TRMT44: variants seen among roughly 807,000 people sequenced by gnomAD.
TRMT44 encodes the protein tRNA methyltransferase 44 homolog.
In TRMT44, 78 loss-of-function variants were observed where a neutral mutation model predicts 77.3. The observed-to-expected ratio is 1.01, with a 90% CI of 0.84 to 1.22. The LOEUF is 1.22. Among genes scored for constraint, TRMT44 ranks in the 50% most tolerant of loss-of-function variants. TRMT44 has a pLI of 0.00. For missense variants in TRMT44, 1,090 were observed against 964.4 expected (o/e 1.13, Z -1.73); for synonymous variants, 391 against 383.3 (o/e 1.02, Z -0.23).
the TRMT44 span, among the ~76,000 whole-genome samples, chr4:8,500,066 G>GA: frequency 1.3e-5 from 2 of 151,534 alleles, no homozygotes; most frequent in African/African-American, 4.9e-5. Context: ...CTGTTTCTAT[G>GA]AAAAAAATTA....
rs1242579405 is a variant in TRMT44 at position 8,444,401 on chromosome 4, CTTTT to C, written c.620-2063_620-2060del. ...TATAATGAATAATAACTTAATTGTA[CTTTT>C]TTTTTTTTTTTGAGAGTAGTCTCGC... On this transcript the variant is annotated intron_variant, in intron 1 of 10. Transcript: ENST00000389737. This position sits in a 1 kb window ranked among gnomAD's most constrained non-coding sequence, Gnocchi z 4.0. 7.1e-6 allele frequency among the ~76,000 whole-genome samples: 1 copy of C among 141,518 alleles called. No homozygotes were observed. The allele number at this position is 141,518 out of a possible 152,430, so 92.8% of individuals were successfully genotyped here. A position where few individuals can be genotyped will look rare whatever the true frequency, so the allele number is the denominator to read the frequency against.
At chr4:8,485,019 G>T (rs147642474) in intron 2 of TRMT44, among the ~76,000 whole-genome samples, 1 of 152,156 alleles carries the variant, frequency 6.6e-6, no homozygotes, top group African/African-American at 2.4e-5. Context: ...TTGTTGAGAA[G>T]ATTCAAAGGA....
chr4:8,446,557 A>T lies in TRMT44; in HGVS notation c.701A>T (p.Tyr234Phe). 1 of 1,536,240 alleles carries T rather than the reference A, an allele frequency of 6.5e-7. No individual in the cohort carries two copies. The highest frequency in any genetic ancestry group is 1.2e-5 in the South Asian group (1 of 84,060). The change falls in exon 2 of 11, where the codon TAT becomes TTT. Residue 234 changes from tyrosine to phenylalanine, a missense_variant. Coordinates refer to ENST00000389737, the MANE Select transcript of TRMT44 (RefSeq NM_152544.3). This position sits in a 1 kb window ranked among gnomAD's most constrained non-coding sequence, Gnocchi z 4.3. ...GNLKVKMSNVYQIQLSHSKEE... is the reference protein window; with the variant it reads ...GNLKVKMSNVFQIQLSHSKEE... ...CTAAAGGTTAAGATGAGCAATGTGT[A>T]TCAAATTCAGCTCAGTCATAGCAAA... is the stretch of plus-strand genomic sequence containing the variant.
chr4:8,491,330 GAGCCCAGGTGGCTT>G (rs1727996093), intron 2 of TRMT44, among the ~76,000 whole-genome samples: 1 of 152,248 alleles, frequency 6.6e-6, no homozygotes, highest in African/African-American at 2.4e-5. Context: ...CCAGACTCAG[GAGCCCAGGTGGCTT>G]CACCTAGTGG....
chr4:8,449,959 T>C (rs202074531), intron 3 of TRMT44, 71 bp downstream of exon 3: 7,453 of 352,936 alleles, frequency 0.021, 125 homozygotes, highest in Middle Eastern at 0.053. Flanking sequence ...CTTTTTTTTT[T>C]TTTTTTTTTT....
At chr4:8,441,520 A>G in intron 1 of TRMT44, 79 bp downstream of exon 1, 1 of 1,416,110 alleles carries the variant, frequency 7.1e-7, no homozygotes, top group Non-Finnish European at 9.2e-7. Flanking sequence ...AAAAAGTCCT[A>G]AGGGTACTAG....
rs145982044 is a variant in TRMT44, at chr4:8,475,805, G to A, written c.2078G>A (p.Arg693Gln). The A allele has an allele frequency of 5.3e-5, 85 of 1,614,166 alleles. No individual in the cohort carries two copies. In the African/African-American group the frequency reaches 1.0e-3, roughly 20 times the overall value. The change falls in exon 11 of 11, where the codon CGA becomes CAA. Residue 693 changes from arginine to glutamine, a missense_variant. Arg to Gln is a conservative substitution (Grantham distance 43). Transcript: ENST00000389737. ...GGGAGAGTTCACATCCGCGACTGGC[G>A]AGAGGAGACACTGTGGAAGACAAAG... ...VNGRVHIRDW[R>Q]EETLWKTKQP... is the part of the protein sequence containing the mutation.
At chr4:8,514,681 G>A in the TRMT44 span, among the ~76,000 whole-genome samples, 29 of 152,252 alleles carry the variant, frequency 1.9e-4, no homozygotes, top group South Asian at 5.8e-3. Flanking sequence ...CTCAGAGTGA[G>A]GTCATGTTCT....
At chr4:8,460,442 C>T (rs921592957) in intron 6 of TRMT44, among the ~76,000 whole-genome samples, 1 of 152,230 alleles carries the variant, frequency 6.6e-6, no homozygotes, top group African/African-American at 2.4e-5. Flanking sequence ...TATCACTTAC[C>T]CTCAAGCAGC....
At chr4:8,469,406 C>T (rs1726830898) in intron 9 of TRMT44, among the ~76,000 whole-genome samples, 1 of 152,230 alleles carries the variant, frequency 6.6e-6, no homozygotes, top group Non-Finnish European at 1.5e-5. Context: ...GCTGGCAGAG[C>T]ATGGAGCCCA....
At chr4:8,455,801 C>A (rs1238534817) in intron 6 of TRMT44, among the ~76,000 whole-genome samples, 1 of 152,088 alleles carries the variant, frequency 6.6e-6, no homozygotes, top group African/African-American at 2.4e-5. Context: ...GGCCCTTGAA[C>A]AACACGGGAT....
intron 6 of TRMT44, among the ~76,000 whole-genome samples, chr4:8,456,871 A>C (rs1217739462): frequency 6.6e-6 from 1 of 152,182 alleles, no homozygotes; most frequent in African/African-American, 2.4e-5. Context: ...GCAGCAGATG[A>C]GTTCCCAGAT....
chr4:8,502,466 A>C, the TRMT44 span, among the ~76,000 whole-genome samples: 1 of 152,266 alleles, frequency 6.6e-6, no homozygotes, highest in African/African-American at 2.4e-5. Flanking sequence ...GTGTGAGTGC[A>C]GCTTAGCAAG....
Position 8,451,646 on chromosome 4 carries a change from T to G in TRMT44, c.955-314T>G, listed in dbSNP as rs1725459166. Among the ~76,000 whole-genome samples the G allele has an allele frequency of 6.6e-6, 1 of 152,202 alleles. No individual in the cohort carries two copies. The highest frequency in any genetic ancestry group is 2.4e-5 in the African/African-American group (1 of 41,444). On this transcript the variant is annotated intron_variant, in intron 3 of 10. Coordinates refer to ENST00000389737, the MANE Select transcript of TRMT44 (RefSeq NM_152544.3). The surrounding 1 kb of genome is among the most constrained non-coding windows in gnomAD (Gnocchi z 4.1). ...CGCCTAGTTTCCTTGTTTGTTGCCC[T>G]TATCTGCATAGACAATGAGCACAGT...
At chr4:8,442,184 G>T (rs1168095400) in intron 1 of TRMT44, among the ~76,000 whole-genome samples, 2 of 152,148 alleles carry the variant, frequency 1.3e-5, no homozygotes, top group Non-Finnish European at 2.9e-5. Flanking sequence ...CAATAAGAAG[G>T]CTTTCCTCCT....
In TRMT44 at chr4:8,452,995, GCCCGGC is replaced by G. The variant is rs1259378919; in HGVS notation, c.1131+7_1131+12del. On this transcript the variant is annotated splice_region_variant and intron_variant, in intron 5 of 10. Transcript: ENST00000389737. The surrounding 1 kb of genome is among the most constrained non-coding windows in gnomAD (Gnocchi z 5.7). ...ACATCCTGAGCAGTGAGGGGGTAAGGCCCGGCTCCATCACCTTTTCTGGTAACTTGT... is the reference window on the plus strand; with the variant it reads ...ACATCCTGAGCAGTGAGGGGGTAAGGTCCATCACCTTTTCTGGTAACTTGT... The G allele has an allele frequency of 6.8e-7, 1 of 1,479,062 alleles. No homozygotes were observed. The highest frequency in any genetic ancestry group is 1.3e-5 in the South Asian group (1 of 77,568). The allele number at this position is 1,479,062 out of a possible 1,614,324, so 91.6% of individuals were successfully genotyped here.
downstream of TRMT44, chr4:8,477,908 C>T (rs1727470216): frequency 1.3e-5 from 2 of 152,770 alleles, no homozygotes; most frequent in African/African-American, 2.4e-5. Flanking sequence ...GAAGACCAGC[C>T]CTGCCGCCGC....
chr4:8,475,998 A>G lies in TRMT44; in HGVS notation c.2271A>G (p.Ser757=). Residue 757 remains serine (S), a synonymous_variant, in exon 11 of 11, where the codon TCA becomes TCG. Transcript: ENST00000389737. ...PPRTTPRKKI[S] The stretch of plus-strand genomic sequence containing the variant: ...GGACCACCCCGAGGAAGAAGATTTC[A>G]TGAGCTGCATCCTTGCCAGCCGAGG... 6.2e-7 allele frequency: 1 copy of G among 1,613,262 alleles called. No individual in the cohort carries two copies. The highest frequency in any genetic ancestry group is 1.1e-5 in the South Asian group (1 of 91,050).
At chr4:8,480,906 T>C (rs978216675), downstream of TRMT44, among the ~76,000 whole-genome samples, 1 of 152,232 alleles carries the variant, frequency 6.6e-6, no homozygotes, top group African/African-American at 2.4e-5. Context: ...AAAATGTGTT[T>C]AACCATATTT....
Sources: allele counts gnomAD v4.1 joint callset (sites outside exome capture counted in the v4.1 genomes callset), GRCh38; gene constraint gnomAD v4.1.1; non-coding constraint Gnocchi (gnomAD v3.1); transcripts MANE v1.5; gene names NCBI Gene and HGNC (gene_info 2026-07-23, HGNC 2026-07-21).